The following HSPG2 variants were observed in gnomAD, a reference collection of about 807,000 sequenced individuals.
HSPG2 encodes the protein heparan sulfate proteoglycan 2, also known as basement membrane-specific heparan sulfate proteoglycan core protein.
In HSPG2, 278 loss-of-function variants were observed where a neutral mutation model predicts 526.6. The ratio of observed to expected loss-of-function variants is 0.53; its 90% confidence interval spans 0.48 to 0.58. The LOEUF (loss-of-function observed/expected upper bound fraction) is 0.58. Among genes scored for constraint, HSPG2 ranks in the 20% least tolerant of loss-of-function variants. The pLI is 0.00. For synonymous variants in HSPG2, 2,465 were observed against 2,555.4 expected (o/e 0.96, Z 1.07); for missense variants, 5,354 against 6,099.5 (o/e 0.88, Z 4.07).
At chr1:21,844,344 T>C in intron 64 of HSPG2, 45 bp from the exon 65 acceptor site, 1 of 1,588,170 alleles carries the variant, frequency 6.3e-7, no homozygotes. Flanking sequence ...GCCACCCTGA[T>C]GCCCTCAGCC....
chr1:21,925,586 T>C (rs572974967), intron 1 of HSPG2, among the ~76,000 whole-genome samples: 2 of 152,244 alleles, frequency 1.3e-5, no homozygotes, highest in African/African-American at 4.8e-5. Context: ...TGGGGAACAT[T>C]ATCACTGGGT....
At chr1:21,838,050 G>C (rs1219298555) in intron 74 of HSPG2, among the ~76,000 whole-genome samples, 2 of 150,804 alleles carry the variant, frequency 1.3e-5, no homozygotes, top group African/African-American at 4.9e-5. Flanking sequence ...GCACGAGAAA[G>C]GCTTGAACTC....
In HSPG2 at chr1:21,937,222, C is replaced by G; in HGVS notation, c.-5G>C. On this transcript the variant is annotated 5_prime_UTR_variant, in exon 1 of 97. Transcript: ENST00000374695. ...GCCCGCCGCCCGCCACCCCATGGCC[C>G]GGCCCGCGCCGCTCTCTCGCTCGCT... is the stretch of plus-strand genomic sequence containing the variant. The G allele has an allele frequency of 2.0e-6, 2 of 1,018,552 alleles. No homozygotes were observed. Among genetic ancestry groups the G allele is most frequent in the Non-Finnish European group, 2.4e-6 (2 of 847,826 alleles). 63.1% of individuals were successfully genotyped at this position (1,018,552 alleles called of 1,614,324 possible).
chr1:21,826,567 G>A (rs2097975487), intron 91 of HSPG2, among the ~76,000 whole-genome samples: 1 of 151,908 alleles, frequency 6.6e-6, no homozygotes. Context: ...GTGCAATGGT[G>A]CATGCAATCT....
chr1:21,833,345 A>C lies in HSPG2; in HGVS notation c.11018T>G (p.Phe3673Cys). 1.2e-6 allele frequency: 2 copies of C among 1,614,050 alleles called. No homozygotes were observed. The highest frequency in any genetic ancestry group is 1.7e-6 in the Non-Finnish European group (2 of 1,179,972). The change falls in exon 80 of 97, where the codon TTC becomes TGC. Residue 3673 changes from phenylalanine (F) to cysteine (C), a missense_variant. Phe to Cys is a radical substitution (Grantham distance 205). Coordinates refer to ENST00000374695, the MANE Select transcript of HSPG2 (RefSeq NM_005529.7). ...ATCCTTGATGGTGGGCAGCGGTAGG[A>C]AGGAGTAGGGGGTCTGCGTGAAGTA... The part of the protein sequence containing the change: ...VPYFTQTPYS[F>C]LPLPTIKDAY...
rs201057646 is a variant in HSPG2 at position 21,854,747 on chromosome 1, G to A, written c.6152C>T (p.Pro2051Leu). The change falls in exon 49 of 97, where the codon CCG (proline) becomes CTG (leucine). Residue 2051 changes from proline (P) to leucine (L), a missense_variant. Coordinates refer to ENST00000374695, the MANE Select transcript of HSPG2 (RefSeq NM_005529.7). ...VVLSASDASP[P>L]PVKIESSSPS... ...CGATGAGGACTCAATCTTGACCGGC[G>A]GTGGGCTGGCATCTGAGGCTGGGGC... The A allele has an allele frequency of 2.7e-5, 44 of 1,613,690 alleles. No homozygotes were observed. Among genetic ancestry groups the A allele is most frequent in the Admixed American group, 2.5e-4 (15 of 59,972 alleles).
At chr1:21,919,358 G>A (rs552093028) in intron 1 of HSPG2, among the ~76,000 whole-genome samples, 10 of 151,826 alleles carry the variant, frequency 6.6e-5, no homozygotes, top group South Asian at 4.2e-4. Context: ...CTCAGGAGGC[G>A]GAGGTTGCAG....
chr1:21,874,462 C>A lies in HSPG2; in HGVS notation c.3600G>T (p.Arg1200=). The change falls in exon 28 of 97, where the codon CGG becomes CGT. Residue 1200 remains arginine, a synonymous_variant. Transcript: ENST00000374695. ...CQPGYYGDAQ[R]GTPQDCQLCP... ...ACAGCTGGCAGTCCTGTGGTGTCCC[C>A]CGCTGGGCGTCCCCGTAGTATCCTG... 6.2e-7 allele frequency: 1 copy of A among 1,612,284 alleles called. No homozygotes were observed. Among genetic ancestry groups the A allele is most frequent in the Non-Finnish European group, 8.5e-7 (1 of 1,179,958 alleles).
rs1174274429 is a variant in HSPG2, at chr1:21,895,227, G to A, written c.244+695C>T. Among the ~76,000 whole-genome samples the A allele has an allele frequency of 6.6e-6, 1 of 152,156 alleles. No homozygotes were observed. Among genetic ancestry groups the A allele is most frequent in the Non-Finnish European group, 1.5e-5 (1 of 68,020 alleles). On this transcript the variant is annotated intron_variant, in intron 3 of 96. Coordinates refer to ENST00000374695, the MANE Select transcript of HSPG2 (RefSeq NM_005529.7). This position sits in a 1 kb window ranked among gnomAD's most constrained non-coding sequence, Gnocchi z 4.1. Reference sequence around the variant, plus strand: ...AGCTGCCTCCCAGAGAGGGCAGTAGGAACCATAAAGAGCCACAGGGCCTTG... The same window carrying A: ...AGCTGCCTCCCAGAGAGGGCAGTAGAAACCATAAAGAGCCACAGGGCCTTG...
chr1:21,873,901 C>T (rs372255642), intron 29 of HSPG2, 24 bp downstream of exon 29: 26 of 1,551,042 alleles, frequency 1.7e-5, no homozygotes, highest in Non-Finnish European at 2.0e-5. Context: ...CGCATCCCCC[C>T]ACCCTCTCCA....
In HSPG2 at chr1:21,843,380, G is replaced by A. The variant is rs750313891; in HGVS notation, c.8675C>T (p.Ser2892Leu). ...QVSPADSGEY[S>L]CQVTGSSGTL... ...GCCTGAGCTTCCGGTCACTTGGCACGAGTACTCGCCAGAGTCAGCCGGGGA... is the reference window on the plus strand; with the variant it reads ...GCCTGAGCTTCCGGTCACTTGGCACAAGTACTCGCCAGAGTCAGCCGGGGA... Residue 2892 changes from serine (S) to leucine (L), a missense_variant, in exon 66 of 97, where the codon TCG becomes TTG. By Grantham distance (145) the Ser-to-Leu change is moderately radical. Transcript: ENST00000374695. The A allele has an allele frequency of 5.6e-6, 9 of 1,613,910 alleles. No individual in the cohort carries two copies. In the South Asian group the frequency reaches 9.9e-5, roughly 18 times the overall value.
Position 21,839,453 on chromosome 1 carries a change from G to C in HSPG2, c.9807C>G (p.Ala3269=), listed in dbSNP as rs763093504. 6.2e-7 allele frequency: 1 copy of C among 1,613,978 alleles called. No homozygotes were observed. The highest frequency in any genetic ancestry group is 1.3e-5 in the African/African-American group (1 of 74,926). The part of the protein sequence containing the change: ...EGDTLIIPRV[A]QQDSGQYICN... ...AGATGTACTGGCCCGAGTCCTGCTG[G>C]GCTACCCGGGGTATGATGAGTGTGT... Residue 3269 remains alanine (A), a synonymous_variant, in exon 73 of 97, where the codon GCC becomes GCG. Transcript: ENST00000374695. The surrounding 1 kb of genome is among the most constrained non-coding windows in gnomAD (Gnocchi z 4.5).
chr1:21,854,255 T>G lies in HSPG2; in HGVS notation c.6377A>C (p.Lys2126Thr), dbSNP rs986587410. Residue 2126 changes from lysine to threonine, a missense_variant, in exon 50 of 97, where the codon AAG becomes ACG. Lys to Thr is a moderately conservative substitution (Grantham distance 78, BLOSUM62 -1). Transcript: ENST00000374695. ...VCRVENGSGP[K>T]EASITVSVLH... Reference sequence around the variant, plus strand: ...CACAGACACAGTAATGGAGGCCTCCTTGGGGCCCGATCCATTCTCCACACG... The same window carrying G: ...CACAGACACAGTAATGGAGGCCTCCGTGGGGCCCGATCCATTCTCCACACG... 6.3e-7 allele frequency: 1 copy of G among 1,590,368 alleles called. No individual in the cohort carries two copies. The highest frequency in any genetic ancestry group is 8.6e-7 in the Non-Finnish European group (1 of 1,168,094).
rs1638494405 is a variant in HSPG2, at chr1:21,847,053, C to T, written c.8164+301G>A. ...ACACTTATAAAGCACTTCTGGCATG[C>T]CAGGCACGCTCTAAGCACATTACAT... On this transcript the variant is annotated intron_variant, in intron 62 of 96. Coordinates refer to ENST00000374695, the MANE Select transcript of HSPG2 (RefSeq NM_005529.7). The surrounding 1 kb of genome is among the most constrained non-coding windows in gnomAD (Gnocchi z 4.1). Among the ~76,000 whole-genome samples the T allele has an allele frequency of 6.6e-6, 1 of 152,168 alleles. No individual in the cohort carries two copies.
chr1:21,887,485 A>G lies in HSPG2; in HGVS notation c.893T>C (p.Ile298Thr). 2 of 1,614,000 alleles carry G rather than the reference A, an allele frequency of 1.2e-6. No individual in the cohort carries two copies. Among genetic ancestry groups the G allele is most frequent in the Non-Finnish European group, 1.7e-6 (2 of 1,179,996 alleles). ...QEAACRNGHC[I>T]PRDYLCDGQE... Reference sequence around the variant, plus strand: ...TCCGTCGCAGAGGTAGTCTCTGGGGATGCAGTGCCCATTGCGGCATGCGGC... The same window carrying G: ...TCCGTCGCAGAGGTAGTCTCTGGGGGTGCAGTGCCCATTGCGGCATGCGGC... Residue 298 changes from isoleucine (I) to threonine (T), a missense_variant, in exon 8 of 97, where the codon ATC (isoleucine) becomes ACC (threonine). Physicochemically the swap from Ile to Thr is moderately conservative, Grantham distance 89. Coordinates refer to ENST00000374695, the MANE Select transcript of HSPG2 (RefSeq NM_005529.7). This position sits in a 1 kb window ranked among gnomAD's most constrained non-coding sequence, Gnocchi z 5.0.
In HSPG2 at chr1:21,864,908, T is replaced by G; in HGVS notation, c.4561A>C (p.Arg1521=). ...TCCTCCACCTCGAGGGCGCGGGGTC[T>G]GTTTGAGGGCCCCGGCTGGGCGACC... ...LEVAQPGPSN[R]PRALEVEECR... is the part of the protein sequence containing the mutation. Residue 1521 remains arginine (R), a synonymous_variant, in exon 36 of 97, where the codon AGA becomes CGA. Transcript: ENST00000374695. This position sits in a 1 kb window ranked among gnomAD's most constrained non-coding sequence, Gnocchi z 4.8. 6.2e-7 allele frequency: 1 copy of G among 1,610,024 alleles called. No homozygotes were observed. Among genetic ancestry groups the G allele is most frequent in the Non-Finnish European group, 8.5e-7 (1 of 1,179,366 alleles).
intron 1 of HSPG2, among the ~76,000 whole-genome samples, chr1:21,901,008 C>T (rs145946035): frequency 1.8e-4 from 27 of 152,220 alleles, no homozygotes; most frequent in Non-Finnish European, 3.1e-4. Flanking sequence ...GCAATATTAC[C>T]GTTGTTTGAT....
chr1:21,829,761 C>A, intron 86 of HSPG2, 157 bp from the exon 87 acceptor site: 2 of 732,270 alleles, frequency 2.7e-6, no homozygotes, highest in South Asian at 1.8e-5. Context: ...AGGAGCCCCC[C>A]TGCCCTTGCA....
rs769232192 is a variant in HSPG2 at position 21,888,062 on chromosome 1, G to C, written c.579C>G (p.Pro193=). 2.5e-6 allele frequency: 4 copies of C among 1,614,060 alleles called. No individual in the cohort carries two copies. Among genetic ancestry groups the C allele is most frequent in the Non-Finnish European group, 3.4e-6 (4 of 1,180,034 alleles). ...GFQFRRLGTV[P]QFPRACTEAE... is the part of the protein sequence containing the mutation. ...CCTCCGTGCAGGCTCTTGGGAACTG[G>C]GGCACTGCAGGTGGAAAGGAAGCAG... Residue 193 remains proline (P), a synonymous_variant, in exon 7 of 97, where the codon CCC becomes CCG. Coordinates refer to ENST00000374695, the MANE Select transcript of HSPG2 (RefSeq NM_005529.7).
Sources: allele counts gnomAD v4.1 joint callset (sites outside exome capture counted in the v4.1 genomes callset), GRCh38; gene constraint gnomAD v4.1.1; non-coding constraint Gnocchi (gnomAD v3.1); transcripts MANE v1.5; gene names NCBI Gene and HGNC (gene_info 2026-07-23, HGNC 2026-07-21).